Variants in PTP4A1 observed in about 807,000 individuals in gnomAD.
PTP4A1 encodes the protein protein tyrosine phosphatase 4A1.
In PTP4A1, 9 loss-of-function variants were observed where a neutral mutation model predicts 20.5. The observed-to-expected ratio is 0.44, with a 90% CI of 0.26 to 0.77. The LOEUF is 0.77. Among genes scored for constraint, PTP4A1 ranks in the 30% least tolerant of loss-of-function variants. The probability of loss-of-function intolerance (pLI) is 0.19; values close to 1 mark genes in which losing one functional copy is unlikely to be tolerated. For missense variants in PTP4A1, 137 were observed against 218.8 expected (o/e 0.63, Z 2.36); for synonymous variants, 78 against 67.4 (o/e 1.16, Z -0.77).
Position 63,576,649 on chromosome 6 carries a change from G to A in PTP4A1, c.-232G>A. ...TTACAAGAGTTCTGACCTGGATGGGGTAAACCTCAGTGCACTTCTTTTCTG... is the reference window on the plus strand; with the variant it reads ...TTACAAGAGTTCTGACCTGGATGGGATAAACCTCAGTGCACTTCTTTTCTG... On this transcript the variant is annotated 5_prime_UTR_variant, in exon 2 of 6. Transcript: ENST00000626021. 1.8e-6 allele frequency: 1 copy of A among 556,436 alleles called. No individual in the cohort carries two copies. The highest frequency in any genetic ancestry group is 2.5e-5 in the South Asian group (1 of 40,214). 34.5% of individuals were successfully genotyped at this position (556,436 alleles called of 1,614,324 possible). A position where few individuals can be genotyped will look rare whatever the true frequency, so the allele number is the denominator to read the frequency against.
At chr6:63,546,482 G>C (rs1274593611) in intron 2 of PTP4A1, among the ~76,000 whole-genome samples, 1 of 152,196 alleles carries the variant, frequency 6.6e-6, no homozygotes, top group African/African-American at 2.4e-5. Context: ...AAGGCAGGTG[G>C]ATCACTTGAG....
At chr6:63,552,178 A>G (rs1458702466) in intron 3 of PTP4A1, among the ~76,000 whole-genome samples, 1 of 152,108 alleles carries the variant, frequency 6.6e-6, no homozygotes, top group African/African-American at 2.4e-5. Flanking sequence ...AAGTGTTCCT[A>G]TTTCTCCACA....
chr6:63,562,850 C>T (rs1581938778), intron 3 of PTP4A1, among the ~76,000 whole-genome samples: 2 of 152,146 alleles, frequency 1.3e-5, no homozygotes, highest in African/African-American at 4.8e-5. Context: ...CTGGTTTATT[C>T]CCTACAAACA....
At chr6:63,523,612 T>G (rs1473320778) in intron 1 of PTP4A1, among the ~76,000 whole-genome samples, 2 of 152,212 alleles carry the variant, frequency 1.3e-5, no homozygotes, top group Non-Finnish European at 2.9e-5. Context: ...ATAAGCCCAC[T>G]CAGATCTAAG....
At chr6:63,525,582 ACT>A (rs796668128) in intron 1 of PTP4A1, among the ~76,000 whole-genome samples, 2 of 151,492 alleles carry the variant, frequency 1.3e-5, no homozygotes, top group South Asian at 4.2e-4. Context: ...GCTCCACTGG[ACT>A]CTCCTCTGCG....
intron 2 of PTP4A1, among the ~76,000 whole-genome samples, chr6:63,530,448 A>G (rs745979141): frequency 1.3e-5 from 2 of 152,180 alleles, no homozygotes; most frequent in African/African-American, 2.4e-5. Context: ...AAGATGCTCT[A>G]GGTAAACATG....
chr6:63,572,590 G>GCCGCCA lies in PTP4A1; in HGVS notation c.-569_-564dup. On this transcript the variant is annotated 5_prime_UTR_variant, in exon 1 of 6. Coordinates refer to ENST00000626021, the MANE Select transcript of PTP4A1 (RefSeq NM_003463.5). Reference sequence around the variant, plus strand: ...TGGTGCCCCCGCCGCCGCCTGCATCGCCGCCACCGCCGCTCCGCCACGACC... The same window carrying GCCGCCA: ...TGGTGCCCCCGCCGCCGCCTGCATCGCCGCCACCGCCACCGCCGCTCCGCCACGACC... 1 of 415,940 alleles carries GCCGCCA rather than the reference G, an allele frequency of 2.4e-6. No individual in the cohort carries two copies. The highest frequency in any genetic ancestry group is 4.2e-6 in the Non-Finnish European group (1 of 240,264). The allele number at this position is 415,940 out of a possible 1,614,324, so 25.8% of individuals were successfully genotyped here. A position where few individuals can be genotyped will look rare whatever the true frequency, so the allele number is the denominator to read the frequency against.
chr6:63,548,800 A>G, intron 2 of PTP4A1: 1 of 731,920 alleles, frequency 1.4e-6, no homozygotes, highest in Non-Finnish European at 2.5e-6. Context: ...TTGCCTCCCC[A>G]GTGACGGCGG....
rs1482836420 is a variant in PTP4A1 at position 63,581,864 on chromosome 6, G to A, written c.*1690G>A. ...ATTTAAATATTAGTATTTGGTACATGAAGGCTTAATGTTAAGTTTCCTTTA... is the reference window on the plus strand; with the variant it reads ...ATTTAAATATTAGTATTTGGTACATAAAGGCTTAATGTTAAGTTTCCTTTA... On this transcript the variant is annotated 3_prime_UTR_variant, in exon 6 of 6. Transcript: ENST00000626021. The A allele has an allele frequency of 4.6e-5, 7 of 152,116 alleles. No homozygotes were observed. 9.4% of individuals were successfully genotyped at this position (152,116 alleles called of 1,614,324 possible). A position where few individuals can be genotyped will look rare whatever the true frequency, so the allele number is the denominator to read the frequency against.
intron 3 of PTP4A1, among the ~76,000 whole-genome samples, chr6:63,554,247 ATTCTTGTCAAGC>A (rs1189654053): frequency 6.6e-6 from 1 of 152,162 alleles, no homozygotes; most frequent in Non-Finnish European, 1.5e-5. Flanking sequence ...AATTTTCTCT[ATTCTTGTCAAGC>A]TTCTTGTCTC....
Position 63,580,354 on chromosome 6 carries a change from A to G in PTP4A1, c.*180A>G, listed in dbSNP as rs1778150040. 1.8e-6 allele frequency: 1 copy of G among 550,874 alleles called. No homozygotes were observed. The highest frequency in any genetic ancestry group is 3.3e-6 in the Non-Finnish European group (1 of 307,206). 34.1% of individuals were successfully genotyped at this position (550,874 alleles called of 1,614,324 possible). On this transcript the variant is annotated 3_prime_UTR_variant, in exon 6 of 6. Coordinates refer to ENST00000626021, the MANE Select transcript of PTP4A1 (RefSeq NM_003463.5). Reference sequence around the variant, plus strand: ...AACCTCTGTATTTGGGTTACAGTCAACCTATTTGGATACTTGGCAAAAGAT... The same window carrying G: ...AACCTCTGTATTTGGGTTACAGTCAGCCTATTTGGATACTTGGCAAAAGAT...
intron 3 of PTP4A1, among the ~76,000 whole-genome samples, chr6:63,565,946 A>G (rs184357729): frequency 7.7e-4 from 118 of 152,362 alleles, no homozygotes; most frequent in Non-Finnish European, 1.2e-4. Flanking sequence ...AAGCATAGGC[A>G]TACCTTGGAG....
At chr6:63,521,307 T>C (rs892570898), upstream of PTP4A1, among the ~76,000 whole-genome samples, 2 of 152,056 alleles carry the variant, frequency 1.3e-5, no homozygotes, top group Non-Finnish European at 2.9e-5. Context: ...GAAAATAATA[T>C]CTGGCTTGTC....
At chr6:63,565,329 G>C (rs897161109) in intron 3 of PTP4A1, among the ~76,000 whole-genome samples, 4 of 151,920 alleles carry the variant, frequency 2.6e-5, no homozygotes, top group African/African-American at 9.7e-5. Flanking sequence ...TTGATTTGGA[G>C]ACTACCTAGA....
chr6:63,578,776 A>C, intron 3 of PTP4A1, 122 bp from the exon 4 acceptor site: 1 of 1,163,670 alleles, frequency 8.6e-7, no homozygotes, highest in Non-Finnish European at 1.1e-6. Context: ...AGGGTTTAAT[A>C]AGATTTGATT....
At chr6:63,547,498 ATT>A (rs752223359) in intron 2 of PTP4A1, among the ~76,000 whole-genome samples, 65 of 90,766 alleles carry the variant, frequency 7.2e-4, no homozygotes, top group Non-Finnish European at 9.2e-4. Flanking sequence ...CCAGGGGGGA[ATT>A]TTTTTTTTTT....
chr6:63,578,102 C>A (rs2149515981), intron 2 of PTP4A1, among the ~76,000 whole-genome samples: 2 of 152,130 alleles, frequency 1.3e-5, no homozygotes, highest in South Asian at 4.1e-4. Context: ...GCTGCTAGCC[C>A]CTTTTGGTTA....
intron 1 of PTP4A1, among the ~76,000 whole-genome samples, chr6:63,523,146 A>G (rs1775007311): frequency 2.6e-5 from 4 of 151,940 alleles, no homozygotes; most frequent in Admixed American, 2.6e-4. Flanking sequence ...AATTACAGGC[A>G]CGAGCCATAG....
chr6:63,553,518 C>G (rs76667584), intron 3 of PTP4A1, among the ~76,000 whole-genome samples: 2,096 of 152,254 alleles, frequency 0.014, 46 homozygotes, highest in African/African-American at 0.048. Flanking sequence ...GTTTGGTATC[C>G]TGTCATGCAG....
Sources: gnomAD v4.1 joint callset for allele counts (sites outside exome capture counted in the v4.1 genomes callset) on GRCh38, gnomAD v4.1.1 for gene constraint, MANE v1.5 for transcripts, NCBI Gene and HGNC (gene_info 2026-07-23, HGNC 2026-07-21) for gene names.